Variants in PCDHGA2 observed in about 807,000 individuals in gnomAD.
PCDHGA2 encodes protocadherin gamma subfamily A, 2.
A neutral mutation model predicts 59.2 loss-of-function variants in PCDHGA2; 40 were observed. The ratio of observed to expected loss-of-function variants is 0.68; its 90% CI spans 0.52 to 0.88. The LOEUF is 0.88. PCDHGA2 is among the 40% of genes least tolerant of loss of function. PCDHGA2 has a pLI of 0.00. For synonymous variants in PCDHGA2, 560 were observed against 526.0 expected, an observed-to-expected ratio of 1.06 and a Z score of -0.89; for missense variants, 1,226 against 1,204.0, an observed-to-expected ratio of 1.02 and a Z score of -0.27.
At chr5:141,510,404 G>T (rs1596286932) in intron 3 of PCDHGA2, among the ~76,000 whole-genome samples, 2 of 152,252 alleles carry the variant, frequency 1.3e-5, no homozygotes, top group East Asian at 3.9e-4. Context: ...AAAGGCTAGG[G>T]GCATGTAAAG....
At position 141,476,311 on chromosome 5, in the gene PCDHGA2, G is replaced by C. The variant is rs772962568; in HGVS notation, c.2425-18496G>C. ...ATCTCGGTAGCCTCTCAGCCCGCAGGTTCCGGGTGGTGTCTGGAGCTAGCC... is the reference window on the plus strand; with the variant it reads ...ATCTCGGTAGCCTCTCAGCCCGCAGCTTCCGGGTGGTGTCTGGAGCTAGCC... On this transcript the variant is annotated intron_variant, in intron 1 of 3. Transcript: ENST00000394576. The surrounding 1 kb of genome is among the most constrained non-coding windows in gnomAD (Gnocchi z 7.6). 18 of 1,613,680 alleles carry C rather than the reference G, an allele frequency of 1.1e-5. No homozygotes were observed. Among genetic ancestry groups the C allele is most frequent in the African/African-American group, 2.7e-5 (2 of 74,766 alleles).
intron 1 of PCDHGA2, chr5:141,420,319 G>T (rs1393746531): frequency 7.0e-7 from 1 of 1,437,422 alleles, no homozygotes; most frequent in African/African-American, 1.4e-5. Context: ...ATTACAATAT[G>T]CCAATATATT....
At chr5:141,390,066 G>A (rs2092035559) in intron 1 of PCDHGA2, 2 of 1,614,052 alleles carry the variant, frequency 1.2e-6, no homozygotes, top group East Asian at 2.2e-5. Flanking sequence ...CTTCCAGCCT[G>A]GTCTCTGTGT....
intron 1 of PCDHGA2, chr5:141,417,894 G>A (rs751319373): frequency 1.3e-5 from 21 of 1,573,688 alleles, no homozygotes; most frequent in African/African-American, 2.7e-5. Context: ...CGCCGGGCCG[G>A]CCCGCGGCAG....
chr5:141,360,064 C>T (rs769109998), intron 1 of PCDHGA2: 18 of 1,462,328 alleles, frequency 1.2e-5, no homozygotes, highest in Non-Finnish European at 1.5e-5. Context: ...GGAAAAGTGA[C>T]CTTAGCCCGG....
intron 1 of PCDHGA2, among the ~76,000 whole-genome samples, chr5:141,450,061 C>A (rs1219642208): frequency 7.2e-6 from 1 of 139,334 alleles, no homozygotes; most frequent in Non-Finnish European, 1.5e-5. Context: ...GGCTGGAATG[C>A]AGTGGTATGA....
chr5:141,455,492 T>G (rs958076901), intron 1 of PCDHGA2, among the ~76,000 whole-genome samples: 10 of 152,188 alleles, frequency 6.6e-5, no homozygotes, highest in Non-Finnish European at 1.2e-4. Context: ...GGAGGTGATG[T>G]CTGATTTGCA....
intron 1 of PCDHGA2, chr5:141,355,027 A>G: frequency 1.0e-6 from 1 of 956,224 alleles, no homozygotes; most frequent in Non-Finnish European, 1.5e-6. Flanking sequence ...AATCAGAATC[A>G]CAAGATTTCT....
intron 1 of PCDHGA2, among the ~76,000 whole-genome samples, chr5:141,450,123 T>G (rs565568384): frequency 2.4e-4 from 36 of 150,874 alleles, no homozygotes; most frequent in Non-Finnish European, 4.7e-4. Context: ...TCTCCTGCCT[T>G]AGCCTCCTGA....
At chr5:141,386,140 G>A (rs1246033956) in intron 1 of PCDHGA2, 1 of 152,170 alleles carries the variant, frequency 6.6e-6, no homozygotes, top group African/African-American at 2.4e-5. Context: ...TACTGGCTTT[G>A]TTTCAACTGT....
In PCDHGA2 at chr5:141,394,617, G is replaced by A. The variant is rs369651266; in HGVS notation, c.2424+53222G>A. The A allele has an allele frequency of 1.7e-5, 28 of 1,613,372 alleles. No individual in the cohort carries two copies. The Admixed American group carries it at 2.8e-4, about 16-fold the overall frequency. On this transcript the variant is annotated intron_variant, in intron 1 of 3. Coordinates refer to ENST00000394576, the MANE Select transcript of PCDHGA2 (RefSeq NM_018915.4). ...GGTGGACAGAGACTCGGGCCAGAAC[G>A]CCTGGCTGTCCTACCGCCTGCTCAA... is the stretch of plus-strand genomic sequence containing the variant.
chr5:141,410,781 T>C, intron 1 of PCDHGA2: 2 of 937,378 alleles, frequency 2.1e-6, no homozygotes, highest in Non-Finnish European at 1.5e-6. Flanking sequence ...TCACTATGTA[T>C]TTGGTTCATA....
intron 1 of PCDHGA2, among the ~76,000 whole-genome samples, chr5:141,453,121 G>A (rs62379169): frequency 4.7e-4 from 71 of 151,818 alleles, no homozygotes; most frequent in Non-Finnish European, 8.4e-4. Flanking sequence ...GTTTTGTTTT[G>A]TTTTGTTTTT....
intron 1 of PCDHGA2, among the ~76,000 whole-genome samples, chr5:141,406,975 C>A (rs1434644612): frequency 6.6e-6 from 1 of 152,108 alleles, no homozygotes; most frequent in African/African-American, 2.4e-5. Flanking sequence ...TAGTAAATAA[C>A]ATTTCACAAG....
At chr5:141,413,199 A>T in intron 1 of PCDHGA2, 1 of 1,611,930 alleles carries the variant, frequency 6.2e-7, no homozygotes, top group Non-Finnish European at 8.5e-7. Flanking sequence ...GGAATCGCTC[A>T]AAGGAATCAA....
At chr5:141,443,751 A>C (rs1372334547) in intron 1 of PCDHGA2, among the ~76,000 whole-genome samples, 3 of 152,230 alleles carry the variant, frequency 2.0e-5, no homozygotes, top group African/African-American at 7.2e-5. Context: ...GTGAATTGGA[A>C]GCTTACAATA....
chr5:141,343,989 G>A, intron 1 of PCDHGA2: 1 of 1,471,062 alleles, frequency 6.8e-7, no homozygotes, highest in South Asian at 1.4e-5. Context: ...GTCCGTCGTA[G>A]GAAACTGGAA....
intron 1 of PCDHGA2, chr5:141,407,937 C>G: frequency 2.0e-6 from 1 of 511,428 alleles, no homozygotes; most frequent in Non-Finnish European, 3.3e-6. Context: ...AGCCTCTGGG[C>G]GCCGCTGTCG....
rs1459415373 is a variant in PCDHGA2 at position 141,340,177 on chromosome 5, C to A, written c.1206C>A (p.Tyr402Ter). Residue 402 changes from tyrosine (Y) to a stop codon, truncating the protein, a stop_gained, in exon 1 of 4, where the codon TAC becomes TAA. Coordinates refer to ENST00000394576, the MANE Select transcript of PCDHGA2 (RefSeq NM_018915.4). LOFTEE classifies it high-confidence loss of function. ...FKLEKSVDNYYRLVTTRALDR... is the reference protein window; with the variant it reads ...FKLEKSVDNY ...TAGAAAAGTCAGTAGACAATTACTA[C>A]CGACTGGTTACAACCAGAGCCCTTG... The A allele has an allele frequency of 6.2e-7, 1 of 1,614,050 alleles. No individual in the cohort carries two copies. Among genetic ancestry groups the A allele is most frequent in the Non-Finnish European group, 8.5e-7 (1 of 1,180,004 alleles).
Sources: gnomAD v4.1 joint callset for allele counts (sites outside exome capture counted in the v4.1 genomes callset) on GRCh38, gnomAD v4.1.1 for gene constraint, Gnocchi (gnomAD v3.1) non-coding constraint, MANE v1.5 for transcripts, NCBI Gene and HGNC (gene_info 2026-07-23, HGNC 2026-07-21) for gene names.